The following KNTC1 variants were observed in gnomAD, a reference collection of about 807,000 sequenced individuals.
The protein encoded by KNTC1 is kinetochore associated 1, also known as kinetochore-associated protein 1.
Under a neutral mutation model 314.4 loss-of-function variants are expected in KNTC1, and 253 were observed. That is an observed-to-expected ratio of 0.80 (90% CI 0.73 to 0.89). KNTC1 has a LOEUF of 0.89. KNTC1 is among the 40% of genes least tolerant of loss of function. The probability of loss-of-function intolerance (pLI) is 0.00; values close to 1 mark genes in which losing one functional copy is unlikely to be tolerated. For synonymous variants in KNTC1, 901 were observed against 901.4 expected (o/e 1.00, Z 0.01); for missense variants, 2,475 against 2,572.9 (o/e 0.96, Z 0.82).
chr12:122,541,295 T>G lies in KNTC1; in HGVS notation c.446-755T>G, dbSNP rs142641648. On this transcript the variant is annotated intron_variant, in intron 5 of 63. Coordinates refer to ENST00000333479, the MANE Select transcript of KNTC1 (RefSeq NM_014708.6). ...TGCCTGCCTGCCTGCCTGCCTTCCTTCCTTCCTTCCTTCCTTCCTTCCTTC... is the reference window on the plus strand; with the variant it reads ...TGCCTGCCTGCCTGCCTGCCTTCCTGCCTTCCTTCCTTCCTTCCTTCCTTC... Among the ~76,000 whole-genome samples, 415 of 125,986 alleles carry G rather than the reference T, an allele frequency of 3.3e-3. 5 individuals are homozygous for G. Among genetic ancestry groups the G allele is most frequent in the African/African-American group, 0.018 (382 of 21,444 alleles). 82.7% of individuals were successfully genotyped at this position (125,986 alleles called of 152,430 possible). A position where few individuals can be genotyped will look rare whatever the true frequency, so the allele number is the denominator to read the frequency against.
At chr12:122,587,896 CT>C in intron 39 of KNTC1, 22 bp downstream of exon 39, 1 of 1,600,960 alleles carries the variant, frequency 6.2e-7, no homozygotes, top group South Asian at 1.1e-5. Context: ...AGAACAAATA[CT>C]TTGACTTGGG....
In KNTC1 at chr12:122,621,581, G is replaced by A. The variant is rs150625856; in HGVS notation, c.6280-300G>A. ...AACTCCTGACCTGAGGCAATCCGCT[G>A]GCCTTGGCCTCCCAAAGTGTTGGGA... is the stretch of plus-strand genomic sequence containing the variant. On this transcript the variant is annotated intron_variant, in intron 60 of 63. Coordinates refer to ENST00000333479, the MANE Select transcript of KNTC1 (RefSeq NM_014708.6). Among the ~76,000 whole-genome samples the A allele has an allele frequency of 6.3e-3, 965 of 152,288 alleles. 7 individuals carry two copies. Among genetic ancestry groups the A allele is most frequent in the Middle Eastern group, 0.024 (7 of 294 alleles).
At chr12:122,565,167 A>G (rs1964233301) in intron 20 of KNTC1, among the ~76,000 whole-genome samples, 1 of 151,672 alleles carries the variant, frequency 6.6e-6, no homozygotes, top group Admixed American at 6.6e-5. Flanking sequence ...TTTTGGTTGA[A>G]ATATTTACTT....
intron 54 of KNTC1, 164 bp from the exon 55 acceptor site, chr12:122,613,462 C>G (rs1873404365): frequency 3.0e-6 from 2 of 674,064 alleles, no homozygotes; most frequent in East Asian, 2.8e-5. Flanking sequence ...TTATCTTGTT[C>G]AAATTGATTT....
At chr12:122,564,813 C>T (rs951405256) in intron 20 of KNTC1, among the ~76,000 whole-genome samples, 1 of 152,126 alleles carries the variant, frequency 6.6e-6, no homozygotes, top group Non-Finnish European at 1.5e-5. Context: ...TGATCATAGT[C>T]AGATTCTTAC....
In KNTC1 at chr12:122,614,975, CTTTTTTT is replaced by C; in HGVS notation, c.5878-15_5878-9del. The C allele has an allele frequency of 6.3e-7, 1 of 1,589,314 alleles. No homozygotes were observed. The highest frequency in any genetic ancestry group is 8.6e-7 in the Non-Finnish European group (1 of 1,164,978). The stretch of plus-strand genomic sequence containing the variant: ...TGTCTTGGAATAGCATGATTTTTTT[CTTTTTTT>C]GGCTTCAGGCAGTAAGATTGGTGAC... On this transcript the variant is annotated splice_polypyrimidine_tract_variant and intron_variant, in intron 55 of 63. Coordinates refer to ENST00000333479, the MANE Select transcript of KNTC1 (RefSeq NM_014708.6).
Position 122,573,189 on chromosome 12 carries a change from C to A in KNTC1, c.2187C>A (p.Ala729=). 3.1e-6 allele frequency: 5 copies of A among 1,613,768 alleles called. No individual in the cohort carries two copies. The highest frequency in any genetic ancestry group is 4.2e-6 in the Non-Finnish European group (5 of 1,179,812). The change falls in exon 26 of 64, where the codon GCC becomes GCA. Residue 729 remains alanine, a synonymous_variant. Transcript: ENST00000333479. Reference sequence around the variant, plus strand: ...TCCGAATGTTTGATAAAGTGCTGGCCCCAGAGCTTATTCCCTCCATCTTAG... The same window carrying A: ...TCCGAATGTTTGATAAAGTGCTGGCACCAGAGCTTATTCCCTCCATCTTAG... ...IVFRMFDKVL[A]PELIPSILEK...
intron 13 of KNTC1, 60 bp downstream of exon 13, chr12:122,549,924 A>G: frequency 1.1e-6 from 1 of 887,326 alleles, no homozygotes; most frequent in Non-Finnish European, 1.8e-6. Flanking sequence ...TCTGGTATCT[A>G]ATCAGGGATG....
intron 36 of KNTC1, 33 bp downstream of exon 36, chr12:122,585,023 C>T (rs773068335): frequency 7.9e-7 from 1 of 1,264,512 alleles, no homozygotes; most frequent in South Asian, 1.3e-5. Flanking sequence ...CCCTTAAATC[C>T]TGGGCAACGC....
chr12:122,604,719 TG>T, intron 49 of KNTC1, 82 bp downstream of exon 49: 1 of 1,244,946 alleles, frequency 8.0e-7, no homozygotes. Context: ...CATGCTGCCC[TG>T]GTGCCTAAAA....
In KNTC1 at chr12:122,626,350, C is replaced by A; in HGVS notation, c.*122C>A. The A allele has an allele frequency of 2.9e-6, 2 of 682,552 alleles. No individual in the cohort carries two copies. Among genetic ancestry groups the A allele is most frequent in the Non-Finnish European group, 5.1e-6 (2 of 390,542 alleles). 42.3% of individuals were successfully genotyped at this position (682,552 alleles called of 1,614,324 possible). A position where few individuals can be genotyped will look rare whatever the true frequency, so the allele number is the denominator to read the frequency against. On this transcript the variant is annotated 3_prime_UTR_variant, in exon 64 of 64. Transcript: ENST00000333479. ...TATAGCTATTTGTCTAACATTACCCCACATGTAATAAATAAAACAATATGA... is the reference window on the plus strand; with the variant it reads ...TATAGCTATTTGTCTAACATTACCCAACATGTAATAAATAAAACAATATGA...
At chr12:122,624,254 A>G (rs1302233724) in intron 62 of KNTC1, among the ~76,000 whole-genome samples, 3 of 142,208 alleles carry the variant, frequency 2.1e-5, no homozygotes, top group East Asian at 4.1e-4. Context: ...TTTGACTTCA[A>G]TGCCTCTTTT....
chr12:122,610,965 A>G (rs756283723), intron 53 of KNTC1, 65 bp downstream of exon 53: 4 of 1,170,226 alleles, frequency 3.4e-6, no homozygotes, highest in Non-Finnish European at 5.1e-6. Context: ...TTTCCTGTTT[A>G]TTTACCATGC....
At chr12:122,605,546 CTTTG>C (rs1313482304) in intron 51 of KNTC1, 131 bp downstream of exon 51, 14 of 539,888 alleles carry the variant, frequency 2.6e-5, no homozygotes, top group East Asian at 1.5e-4. Context: ...AAGGAAGTTT[CTTTG>C]TTTGTTTTGT....
rs1420316614 is a variant in KNTC1 at position 122,539,686 on chromosome 12, A to G, written c.377A>G (p.Gln126Arg). 6.4e-7 allele frequency: 1 copy of G among 1,570,200 alleles called. No individual in the cohort carries two copies. Among genetic ancestry groups the G allele is most frequent in the Non-Finnish European group, 8.6e-7 (1 of 1,156,402 alleles). The change falls in exon 5 of 64, where the codon CAG becomes CGG. Residue 126 changes from glutamine to arginine, a missense_variant. Physicochemically the swap from Gln to Arg is conservative, Grantham distance 43 (BLOSUM62 1). Transcript: ENST00000333479. ...KQTLLTNAFV[Q>R]KANDENRRTY... ...TTAATTTGCATTTAGGCATTTGTTC[A>G]GAAAGCTAACGATGAAAATCGGCGG...
intron 1 of KNTC1, among the ~76,000 whole-genome samples, chr12:122,528,659 A>G (rs1961008731): frequency 6.6e-6 from 1 of 152,204 alleles, no homozygotes; most frequent in African/African-American, 2.4e-5. Flanking sequence ...CAGATACCAA[A>G]ACCCTAGGAT....
intron 62 of KNTC1, among the ~76,000 whole-genome samples, chr12:122,624,211 A>G (rs1487531983): frequency 6.6e-6 from 1 of 152,238 alleles, no homozygotes; most frequent in Non-Finnish European, 1.5e-5. Flanking sequence ...CAAATAAAAC[A>G]TTAAATTCAG....
chr12:122,563,787 G>C, intron 20 of KNTC1: 1 of 1,478,762 alleles, frequency 6.8e-7, no homozygotes, highest in South Asian at 1.4e-5. Flanking sequence ...CCCATATGAT[G>C]ACTCTTCCAC....
At chr12:122,615,161 G>C (rs1256482629) in intron 56 of KNTC1, 75 bp downstream of exon 56, 2 of 1,061,094 alleles carry the variant, frequency 1.9e-6, no homozygotes, top group East Asian at 5.1e-5. Context: ...ATTTTGGATT[G>C]ATACTTGTTA....
Sources: gnomAD v4.1 joint callset for allele counts (sites outside exome capture counted in the v4.1 genomes callset) on GRCh38, gnomAD v4.1.1 for gene constraint, MANE v1.5 for transcripts, NCBI Gene and HGNC (gene_info 2026-07-23, HGNC 2026-07-21) for gene names.